RASGEF1C: variants seen among roughly 807,000 people sequenced by gnomAD.
The protein encoded by RASGEF1C is RasGEF domain family member 1C, also known as ras-GEF domain-containing family member 1C.
In RASGEF1C, 27 loss-of-function variants were observed where a neutral mutation model predicts 58.1. The observed-to-expected ratio is 0.46, with a 90% CI of 0.34 to 0.64. The LOEUF is 0.64. Among genes scored for constraint, RASGEF1C ranks in the 30% least tolerant of loss-of-function variants. RASGEF1C has a pLI of 0.01. For synonymous variants in RASGEF1C, 243 were observed against 246.3 expected (o/e 0.99, Z 0.13); for missense variants, 502 against 605.1 (o/e 0.83, Z 1.79).
At chr5:180,204,144 C>G (rs1756449980) in intron 1 of RASGEF1C, among the ~76,000 whole-genome samples, 1 of 152,160 alleles carries the variant, frequency 6.6e-6, no homozygotes, top group African/African-American at 2.4e-5. Flanking sequence ...AACTATATTC[C>G]ATCGTACGGA....
chr5:180,107,537 G>T (rs1231807165), intron 12 of RASGEF1C, among the ~76,000 whole-genome samples: 1 of 152,128 alleles, frequency 6.6e-6, no homozygotes, highest in Admixed American at 6.5e-5. Context: ...ATGATTCAGA[G>T]TGTTTTCCCC....
chr5:180,202,937 C>T (rs964418411), intron 1 of RASGEF1C, among the ~76,000 whole-genome samples: 2 of 151,988 alleles, frequency 1.3e-5, no homozygotes, highest in Admixed American at 6.6e-5. Flanking sequence ...CTCCTGACCT[C>T]GTGATGCACC....
At position 180,128,439 on chromosome 5, in the gene RASGEF1C, G is replaced by C; in HGVS notation, c.610C>G (p.Leu204Val). Residue 204 changes from leucine (L) to valine (V), a missense_variant, in exon 5 of 14, where the codon CTG (leucine) becomes GTG (valine). By Grantham distance (32) the Leu-to-Val change is conservative (BLOSUM62 1). Coordinates refer to ENST00000361132, the MANE Select transcript of RASGEF1C (RefSeq NM_175062.4). ...LLGVCSDPYT[L>V]AQQLTHVELE... is the part of the protein sequence containing the mutation. ...TCCACGTGGGTCAGCTGCTGGGCCA[G>C]TGTGTAGGGGTCGCTGCAGACACCA... 3 of 1,613,930 alleles carry C rather than the reference G, an allele frequency of 1.9e-6. No individual in the cohort carries two copies. The highest frequency in any genetic ancestry group is 2.5e-6 in the Non-Finnish European group (3 of 1,180,006).
chr5:180,109,153 A>C (rs954109238), intron 12 of RASGEF1C, among the ~76,000 whole-genome samples: 19 of 152,154 alleles, frequency 1.2e-4, no homozygotes, highest in African/African-American at 4.3e-4. Flanking sequence ...GACAACAATC[A>C]TCATAATAAT....
chr5:180,163,254 C>CTTTTTTTGTTTTTTTTT (rs1187829324), intron 1 of RASGEF1C, among the ~76,000 whole-genome samples: 1 of 71,068 alleles, frequency 1.4e-5, no homozygotes, highest in Non-Finnish European at 2.5e-5. Flanking sequence ...TTTTTTTTTC[C>CTTTTTTTGTTTTTTTTT]AGCCTATTGC....
At chr5:180,184,446 G>T (rs1755991374) in intron 1 of RASGEF1C, among the ~76,000 whole-genome samples, 1 of 152,002 alleles carries the variant, frequency 6.6e-6, no homozygotes, top group South Asian at 2.1e-4. Flanking sequence ...GCATGGTGGT[G>T]TGCACCTATA....
chr5:180,138,304 C>T (rs1766522243), intron 1 of RASGEF1C: 2 of 378,248 alleles, frequency 5.3e-6, no homozygotes, highest in Non-Finnish European at 4.7e-6. Flanking sequence ...CTTGTCTACT[C>T]CTCTTGCCCC....
At chr5:180,206,173 T>G (rs898146521) in intron 1 of RASGEF1C, among the ~76,000 whole-genome samples, 1 of 152,182 alleles carries the variant, frequency 6.6e-6, no homozygotes, top group African/African-American at 2.4e-5. Context: ...ATGAGAAAGG[T>G]GCATTTCAGA....
chr5:180,161,166 T>C (rs1416795299), intron 1 of RASGEF1C, among the ~76,000 whole-genome samples: 1 of 152,222 alleles, frequency 6.6e-6, no homozygotes, highest in African/African-American at 2.4e-5. Flanking sequence ...TTGATGTACC[T>C]GGGATAAACG....
chr5:180,114,589 C>T lies in RASGEF1C; in HGVS notation c.1084-48G>A, dbSNP rs547819125. On this transcript the variant is annotated intron_variant, in intron 10 of 13. Coordinates refer to ENST00000361132, the MANE Select transcript of RASGEF1C (RefSeq NM_175062.4). ...CGGCCCCAGCCGGCCCTCCACACAGCGGGCTCCAGGACGGGGGGCAGCCTT... is the reference window on the plus strand; with the variant it reads ...CGGCCCCAGCCGGCCCTCCACACAGTGGGCTCCAGGACGGGGGGCAGCCTT... 26 of 1,557,060 alleles carry T rather than the reference C, an allele frequency of 1.7e-5. No homozygotes were observed. The Admixed American group carries it at 2.3e-4, about 14-fold the overall frequency.
chr5:180,192,257 C>A (rs1328724136), intron 1 of RASGEF1C, among the ~76,000 whole-genome samples: 1 of 152,170 alleles, frequency 6.6e-6, no homozygotes, highest in Admixed American at 6.5e-5. Context: ...ACGTTGGAAC[C>A]CATACAATGG....
chr5:180,155,613 G>A lies in RASGEF1C; in HGVS notation c.-6-17555C>T, dbSNP rs996986065. Reference sequence around the variant, plus strand: ...GCAGGCAATCTGTTGGATGCGAGGCGACAGCACCAAGACCCACGGCAGATT... The same window carrying A: ...GCAGGCAATCTGTTGGATGCGAGGCAACAGCACCAAGACCCACGGCAGATT... On this transcript the variant is annotated intron_variant, in intron 1 of 13. Transcript: ENST00000361132. The surrounding 1 kb of genome is among the most constrained non-coding windows in gnomAD (Gnocchi z 5.2). Among the ~76,000 whole-genome samples the A allele has an allele frequency of 6.6e-5, 10 of 151,998 alleles. No individual in the cohort carries two copies. The highest frequency in any genetic ancestry group is 1.9e-4 in the African/African-American group (8 of 41,364).
chr5:180,166,918 G>A (rs1767032113), intron 1 of RASGEF1C, among the ~76,000 whole-genome samples: 2 of 152,112 alleles, frequency 1.3e-5, no homozygotes, highest in Admixed American at 1.3e-4. Flanking sequence ...CTGAAAGGAC[G>A]TCCACAGTCA....
chr5:180,111,652 G>A, intron 11 of RASGEF1C, 72 bp from the exon 12 acceptor site: 1 of 1,568,036 alleles, frequency 6.4e-7, no homozygotes, highest in Non-Finnish European at 8.8e-7. Flanking sequence ...GGAGGGGCTG[G>A]TCCTGGCAGA....
Position 180,137,512 on chromosome 5 carries a change from C to T in RASGEF1C, c.300+78G>A. ...AAAACGGGGACAATCATTGCCTCCC[C>T]GAGAGGCTGATGCGTTGAGGGCATG... On this transcript the variant is annotated intron_variant, in intron 3 of 13. Transcript: ENST00000361132. The surrounding 1 kb of genome is among the most constrained non-coding windows in gnomAD (Gnocchi z 4.1). The T allele has an allele frequency of 6.5e-7, 1 of 1,547,350 alleles. No individual in the cohort carries two copies. Among genetic ancestry groups the T allele is most frequent in the Non-Finnish European group, 8.7e-7 (1 of 1,145,888 alleles).
intron 1 of RASGEF1C, among the ~76,000 whole-genome samples, chr5:180,179,026 C>T (rs1405558447): frequency 5.3e-5 from 8 of 151,964 alleles, no homozygotes; most frequent in South Asian, 2.1e-4. Flanking sequence ...CGGGAGGAGG[C>T]GGGTTTATGA....
intron 1 of RASGEF1C, among the ~76,000 whole-genome samples, chr5:180,169,344 G>A (rs780094702): frequency 8.5e-5 from 13 of 152,096 alleles, no homozygotes; most frequent in Admixed American, 3.9e-4. Context: ...ACCTCGCCTC[G>A]GAGTAAGGGC....
In RASGEF1C at chr5:180,168,692, G is replaced by A. The variant is rs963612856; in HGVS notation, c.-6-30634C>T. Among the ~76,000 whole-genome samples the A allele has an allele frequency of 6.6e-6, 1 of 152,204 alleles. No individual in the cohort carries two copies. The highest frequency in any genetic ancestry group is 1.5e-5 in the Non-Finnish European group (1 of 68,046). On this transcript the variant is annotated intron_variant, in intron 1 of 13. Coordinates refer to ENST00000361132, the MANE Select transcript of RASGEF1C (RefSeq NM_175062.4). This position sits in a 1 kb window ranked among gnomAD's most constrained non-coding sequence, Gnocchi z 6.0. ...GGCAACAGCTCCTCCCCTCAGAGAG[G>A]AAGGCCTCGCCCTCTTGGAATTCTG... is the stretch of plus-strand genomic sequence containing the variant.
At chr5:180,136,283 T>C (rs746589803) in intron 4 of RASGEF1C, 95 bp downstream of exon 4, 722 of 1,260,630 alleles carry the variant, frequency 5.7e-4, no homozygotes, top group Non-Finnish European at 6.2e-4. Flanking sequence ...GTGTGCAGGG[T>C]GGGGAGATGA....
Sources: gnomAD v4.1 joint callset for allele counts (sites outside exome capture counted in the v4.1 genomes callset) on GRCh38, gnomAD v4.1.1 for gene constraint, Gnocchi (gnomAD v3.1) non-coding constraint, MANE v1.5 for transcripts, NCBI Gene and HGNC (gene_info 2026-07-23, HGNC 2026-07-21) for gene names.